The following ZNF850 variants were observed in gnomAD, a reference collection of about 807,000 sequenced individuals.
ZNF850 encodes the protein zinc finger protein 850, also known as putative zinc finger protein ENSP00000330994.
ZNF850 carries 2 observed loss-of-function variants against 11.9 expected under a neutral mutation model. That is an observed-to-expected ratio of 0.17 (90% CI 0.07 to 0.53). The LOEUF (loss-of-function observed/expected upper bound fraction) is 0.53. Among genes scored for constraint, ZNF850 ranks in the 20% least tolerant of loss-of-function variants. The probability of loss-of-function intolerance (pLI) is 0.94; values close to 1 mark genes in which losing one functional copy is unlikely to be tolerated. For synonymous variants in ZNF850, 381 were observed against 443.0 expected (o/e 0.86, Z 1.76); for missense variants, 1,014 against 1,316.4 (o/e 0.77, Z 3.55).
rs1412966473 is a variant in ZNF850, at chr19:36,744,273, C to CT, written c.*3493dup. On this transcript the variant is annotated 3_prime_UTR_variant, in exon 5 of 5. Coordinates refer to ENST00000591344, the MANE Select transcript of ZNF850 (RefSeq NM_001193552.2). The stretch of plus-strand genomic sequence containing the variant: ...TGTCTTCATTGTGCTTTTCTCTGCT[C>CT]TTTAAAAAATTCTACTTTTTTCATA... The CT allele has an allele frequency of 1.3e-5, 2 of 151,828 alleles. No homozygotes were observed. Among genetic ancestry groups the CT allele is most frequent in the African/African-American group, 4.8e-5 (2 of 41,324 alleles). 9.4% of individuals were successfully genotyped at this position (151,828 alleles called of 1,614,324 possible).
rs761784512 is a variant in ZNF850 at position 36,749,148 on chromosome 19, C to T, written c.1892G>A (p.Arg631Gln). 58 of 1,601,234 alleles carry T rather than the reference C, an allele frequency of 3.6e-5. No homozygotes were observed. In the East Asian group the frequency reaches 8.3e-4, roughly 23 times the overall value. The change falls in exon 5 of 5, where the codon CGA (arginine) becomes CAA (glutamine). Residue 631 changes from arginine (R) to glutamine (Q), a missense_variant. This residue lies in a region of ZNF850 where 835 missense variants were observed against 1,022.0 expected (regional missense o/e 0.82). Coordinates refer to ENST00000591344, the MANE Select transcript of ZNF850 (RefSeq NM_001193552.2). ...ATGGATTTGTTGATGTTGAGTAAGT[C>T]GTAAACGAAGTCTAAAGGCCTTCCC... The part of the protein sequence containing the change: ...ECGKAFRLRL[R>Q]LTQHQQIHTG...
intron 4 of ZNF850, among the ~76,000 whole-genome samples, chr19:36,753,144 C>A (rs1468037766): frequency 1.3e-5 from 2 of 151,736 alleles, no homozygotes; most frequent in African/African-American, 4.8e-5. Context: ...TGGTGCACGC[C>A]TGAATTCTCA....
At position 36,747,635 on chromosome 19, in the gene ZNF850, CAAA is replaced by C. The variant is rs56769461; in HGVS notation, c.*129_*131del. On this transcript the variant is annotated 3_prime_UTR_variant, in exon 5 of 5. Coordinates refer to ENST00000591344, the MANE Select transcript of ZNF850 (RefSeq NM_001193552.2). The stretch of plus-strand genomic sequence containing the variant: ...TGGGCGACAGAGCAAGACTCCGTCT[CAAA>C]AAAAAAAAAAAAAGTCGTAATTCTG... The C allele has an allele frequency of 2.8e-3, 2,130 of 760,188 alleles. No homozygotes were observed. Among genetic ancestry groups the C allele is most frequent in the South Asian group, 5.2e-3 (196 of 37,914 alleles). The allele number at this position is 760,188 out of a possible 1,614,324, so 47.1% of individuals were successfully genotyped here.
intron 4 of ZNF850, among the ~76,000 whole-genome samples, chr19:36,759,809 T>C (rs1414740903): frequency 6.6e-6 from 1 of 152,214 alleles, no homozygotes; most frequent in Non-Finnish European, 1.5e-5. Context: ...AAATGGATAG[T>C]TTGCATTACT....
intron 1 of ZNF850, among the ~76,000 whole-genome samples, chr19:36,771,811 T>A (rs1355532192): frequency 6.6e-6 from 1 of 152,146 alleles, no homozygotes; most frequent in African/African-American, 2.4e-5. Flanking sequence ...GTGCGAAACA[T>A]CCTTCCCAAC....
At chr19:36,750,941 CT>C in intron 4 of ZNF850, 137 bp from the exon 5 acceptor site, 1 of 955,048 alleles carries the variant, frequency 1.0e-6, no homozygotes, top group Non-Finnish European at 1.5e-6. Context: ...TGGCTCATGC[CT>C]GTAATCCCAG....
rs2040446221 is a variant in ZNF850, at chr19:36,750,367, A to G, written c.673T>C (p.Cys225Arg). 6.5e-7 allele frequency: 1 copy of G among 1,536,570 alleles called. No individual in the cohort carries two copies. Among genetic ancestry groups the G allele is most frequent in the Non-Finnish European group, 8.7e-7 (1 of 1,146,914 alleles). ...HQRIHTGEKP[C>R]ACKEYGKAFI... is the part of the protein sequence containing the mutation. The stretch of plus-strand genomic sequence containing the variant: ...GCTTTTCCATATTCTTTACATGCAC[A>G]GGGCTTTTCCCCAGTATGAATTCTC... Residue 225 changes from cysteine to arginine, a missense_variant, in exon 5 of 5, where the codon TGT becomes CGT. Coordinates refer to ENST00000591344, the MANE Select transcript of ZNF850 (RefSeq NM_001193552.2).
Position 36,749,009 on chromosome 19 carries a change from G to C in ZNF850, c.2031C>G (p.Asp677Glu). 1 of 1,603,038 alleles carries C rather than the reference G, an allele frequency of 6.2e-7. No homozygotes were observed. The highest frequency in any genetic ancestry group is 8.5e-7 in the Non-Finnish European group (1 of 1,176,278). The part of the protein sequence containing the change: ...HTGEKPYECP[D>E]CGKAFRQRTY... Reference sequence around the variant, plus strand: ...TACGCTGTCTAAAGGCCTTCCCACAGTCCGGACATTCATAGGGTTTCTCAC... The same window carrying C: ...TACGCTGTCTAAAGGCCTTCCCACACTCCGGACATTCATAGGGTTTCTCAC... The change falls in exon 5 of 5, where the codon GAC becomes GAG. Residue 677 changes from aspartate (D) to glutamate (E), a missense_variant. Coordinates refer to ENST00000591344, the MANE Select transcript of ZNF850 (RefSeq NM_001193552.2).
rs1420011125 is a variant in ZNF850, at chr19:36,750,510, G to A, written c.530C>T (p.Ala177Val). 1 of 1,536,202 alleles carries A rather than the reference G, an allele frequency of 6.5e-7. No individual in the cohort carries two copies. Among genetic ancestry groups the A allele is most frequent in the Admixed American group, 2.0e-5 (1 of 50,978 alleles). ...EKLYKSTECM[A>V]FKYGSELTQQ... is the part of the protein sequence containing the mutation. Reference sequence around the variant, plus strand: ...TGTAAGTTCTGAGCCATACTTAAAAGCCATACATTCTGTGGATTTATACAG... The same window carrying A: ...TGTAAGTTCTGAGCCATACTTAAAAACCATACATTCTGTGGATTTATACAG... The change falls in exon 5 of 5, where the codon GCT becomes GTT. Residue 177 changes from alanine to valine, a missense_variant. This residue lies in a region of ZNF850 where 835 missense variants were observed against 1,022.0 expected (regional missense o/e 0.82). Transcript: ENST00000591344.
Position 36,747,231 on chromosome 19 carries a change from G to C in ZNF850, c.*536C>G, listed in dbSNP as rs1044596359. The C allele has an allele frequency of 6.6e-6, 1 of 152,656 alleles. No homozygotes were observed. The highest frequency in any genetic ancestry group is 2.1e-4 in the South Asian group (1 of 4,878). The allele number at this position is 152,656 out of a possible 1,614,324, so 9.5% of individuals were successfully genotyped here. On this transcript the variant is annotated 3_prime_UTR_variant, in exon 5 of 5. Transcript: ENST00000591344. ...TATCAATTAGTAATTTTGGCACAGAGAATTTACATAACTAGCCTAATGTCA... is the reference window on the plus strand; with the variant it reads ...TATCAATTAGTAATTTTGGCACAGACAATTTACATAACTAGCCTAATGTCA...
At chr19:36,763,555 C>T (rs1256614014) in intron 1 of ZNF850, among the ~76,000 whole-genome samples, 1 of 151,702 alleles carries the variant, frequency 6.6e-6, no homozygotes, top group Non-Finnish European at 1.5e-5. Context: ...AAAACAAACA[C>T]AACAACAACA....
chr19:36,751,192 T>C (rs2040452044), intron 4 of ZNF850, among the ~76,000 whole-genome samples: 1 of 150,376 alleles, frequency 6.6e-6, no homozygotes, highest in African/African-American at 2.4e-5. Flanking sequence ...AATACTGAAC[T>C]CCAGTCTAAT....
chr19:36,767,510 T>C (rs572424009), intron 1 of ZNF850, among the ~76,000 whole-genome samples: 20 of 151,756 alleles, frequency 1.3e-4, no homozygotes, highest in Admixed American at 1.1e-3. Context: ...TGAGCAGAGA[T>C]TGTGCCATTG....
Position 36,750,206 on chromosome 19 carries a change from G to C in ZNF850, c.834C>G (p.Asp278Glu). 6.5e-7 allele frequency: 1 copy of C among 1,538,916 alleles called. No homozygotes were observed. Among genetic ancestry groups the C allele is most frequent in the African/African-American group, 1.4e-5 (1 of 73,164 alleles). Residue 278 changes from aspartate (D) to glutamate (E), a missense_variant, in exon 5 of 5, where the codon GAC becomes GAG. Physicochemically the swap from Asp to Glu is conservative, Grantham distance 45. Transcript: ENST00000591344. ...CACATTCTTTACATTCATAAGGTTT[G>C]TCACCAGTATGAATTCTCCAATGTT... ...LIQHWRIHTG[D>E]KPYECKECGK...
At chr19:36,754,626 G>T (rs1281912704) in intron 4 of ZNF850, among the ~76,000 whole-genome samples, 1 of 152,040 alleles carries the variant, frequency 6.6e-6, no homozygotes, top group East Asian at 1.9e-4. Context: ...CACGATCTCA[G>T]CTCACTGCAA....
At chr19:36,758,828 C>T (rs2040501803) in intron 4 of ZNF850, among the ~76,000 whole-genome samples, 1 of 152,032 alleles carries the variant, frequency 6.6e-6, no homozygotes, top group African/African-American at 2.4e-5. Context: ...TCTGTAATCC[C>T]AGCATTTTGG....
At chr19:36,766,355 A>G (rs1194913965) in intron 1 of ZNF850, among the ~76,000 whole-genome samples, 1 of 152,218 alleles carries the variant, frequency 6.6e-6, no homozygotes, top group African/African-American at 2.4e-5. Context: ...AGCAGAAAAA[A>G]GAAGAGAGAA....
intron 4 of ZNF850, among the ~76,000 whole-genome samples, chr19:36,751,588 C>T (rs1345448776): frequency 6.7e-6 from 1 of 149,682 alleles, no homozygotes; most frequent in East Asian, 2.0e-4. Flanking sequence ...ATCTCAGCTA[C>T]TCGGGAGGCT....
rs556190376 is a variant in ZNF850, at chr19:36,753,901, A to G, written c.236-3097T>C. ...TCAACTTCCAAATCAGTGGAATCGA[A>G]CTAAGTATGGGCATCAGATTTTTTT... On this transcript the variant is annotated intron_variant, in intron 4 of 4. Transcript: ENST00000591344. Among the ~76,000 whole-genome samples the G allele has an allele frequency of 3.3e-5, 5 of 152,284 alleles. No homozygotes were observed. In the South Asian group the frequency reaches 1.0e-3, roughly 32 times the overall value.
Sources: gnomAD v4.1 joint callset for allele counts (sites outside exome capture counted in the v4.1 genomes callset) on GRCh38, gnomAD v4.1.1 for gene constraint, gnomAD v4.1.1 regional missense constraint, MANE v1.5 for transcripts, NCBI Gene and HGNC (gene_info 2026-07-23, HGNC 2026-07-21) for gene names.